Variants in DST observed in about 807,000 individuals in gnomAD.
DST encodes the protein dystonin.
In DST, 253 loss-of-function variants were observed where a neutral mutation model predicts 875.2. That is an observed-to-expected ratio of 0.29 (90% CI 0.26 to 0.32). DST has a LOEUF of 0.32. DST is among the 10% of genes least tolerant of loss of function. The pLI is 1.00. For synonymous variants in DST, 3,124 were observed against 3,197.1 expected, an observed-to-expected ratio of 0.98 and a Z score of 0.77; for missense variants, 8,287 against 9,111.6, an observed-to-expected ratio of 0.91 and a Z score of 3.68.
At chr6:56,765,478 T>C (rs2099631164) in intron 4 of DST, among the ~76,000 whole-genome samples, 1 of 152,170 alleles carries the variant, frequency 6.6e-6, no homozygotes. Context: ...CAATCAACCA[T>C]AGTAGAAATA....
intron 58 of DST, among the ~76,000 whole-genome samples, chr6:56,558,470 T>C (rs892232837): frequency 6.6e-6 from 1 of 152,076 alleles, no homozygotes; most frequent in Non-Finnish European, 1.5e-5. Context: ...GTATCTGAAA[T>C]TCTGCATTTC....
intron 4 of DST, among the ~76,000 whole-genome samples, chr6:56,788,007 C>T (rs1224694723): frequency 6.6e-6 from 1 of 150,644 alleles, no homozygotes; most frequent in African/African-American, 2.4e-5. Flanking sequence ...GTAATCCCAG[C>T]AATCCTAGCT....
Position 56,607,404 on chromosome 6 carries a change from ACT to A in DST, c.7222_7223del (p.Ser2408Ter). On this transcript the variant is annotated frameshift_variant, in exon 40 of 104. Coordinates refer to ENST00000680361, the MANE Select transcript of DST (RefSeq NM_001374736.1). LOFTEE classifies it high-confidence loss of function. ...IENPIMKSKM[S>X]KFCGVNETEN... is the part of the protein sequence containing the mutation. ...CTGTTTCATTCACACCACAGAATTT[ACT>A]CATTTTTGATTTCATAATAGGATTT... 6.2e-7 allele frequency: 1 copy of A among 1,612,226 alleles called. No homozygotes were observed. The highest frequency in any genetic ancestry group is 8.5e-7 in the Non-Finnish European group (1 of 1,179,314).
At chr6:56,508,015 T>G (rs562071630) in intron 75 of DST, among the ~76,000 whole-genome samples, 9 of 151,802 alleles carry the variant, frequency 5.9e-5, no homozygotes, top group Non-Finnish European at 8.8e-5. Context: ...AAAGAGAAAT[T>G]TTTTGTTGTT....
chr6:56,566,081 T>A (rs6920543), intron 55 of DST, among the ~76,000 whole-genome samples: 1 of 151,958 alleles, frequency 6.6e-6, no homozygotes, highest in African/African-American at 2.4e-5. Context: ...GACTGCAGAC[T>A]GCTGTGCTGG....
chr6:56,549,997 T>C (rs1189699698), intron 61 of DST, among the ~76,000 whole-genome samples: 2 of 152,182 alleles, frequency 1.3e-5, no homozygotes, highest in Non-Finnish European at 2.9e-5. Flanking sequence ...AGAATAGTAA[T>C]AGCATCTACC....
At chr6:56,574,440 C>T (rs1292152046) in intron 50 of DST, among the ~76,000 whole-genome samples, 1 of 152,122 alleles carries the variant, frequency 6.6e-6, no homozygotes, top group East Asian at 1.9e-4. Flanking sequence ...AAGCAAATCA[C>T]TCAAATGCAC....
intron 64 of DST, among the ~76,000 whole-genome samples, chr6:56,532,104 A>T (rs1332358744): frequency 1.3e-5 from 2 of 152,194 alleles, no homozygotes; most frequent in East Asian, 3.9e-4. Flanking sequence ...TATGTAATAA[A>T]CAAATGAAGT....
chr6:56,897,233 C>A (rs1791783740), intron 3 of DST, among the ~76,000 whole-genome samples: 2 of 147,956 alleles, frequency 1.4e-5, no homozygotes, highest in African/African-American at 5.1e-5. Context: ...CCCTTATTAT[C>A]ACTTTATAAT....
intron 9 of DST, among the ~76,000 whole-genome samples, chr6:56,676,398 T>C (rs1045076094): frequency 1.3e-5 from 2 of 152,162 alleles, no homozygotes; most frequent in African/African-American, 2.4e-5. Context: ...ATGTGGAGAA[T>C]AGGGAACTTT....
intron 4 of DST, among the ~76,000 whole-genome samples, chr6:56,798,040 G>A (rs1053305818): frequency 3.9e-5 from 6 of 152,082 alleles, no homozygotes; most frequent in African/African-American, 1.4e-4. Flanking sequence ...TAAGATTTAA[G>A]GAAAGAAACC....
chr6:56,864,658 A>G (rs1773061016), intron 3 of DST, among the ~76,000 whole-genome samples: 2 of 152,188 alleles, frequency 1.3e-5, no homozygotes, highest in Admixed American at 6.5e-5. Context: ...ACTAGATATT[A>G]GTATTAAAAT....
chr6:56,595,484 G>A (rs2098358520), intron 47 of DST, among the ~76,000 whole-genome samples: 1 of 152,142 alleles, frequency 6.6e-6, no homozygotes, highest in Non-Finnish European at 1.5e-5. Flanking sequence ...GGGGGGCACA[G>A]GGAATTTATT....
chr6:56,746,831 T>C (rs367748528), intron 4 of DST, among the ~76,000 whole-genome samples: 6 of 152,246 alleles, frequency 3.9e-5, no homozygotes, highest in African/African-American at 1.4e-4. Context: ...ATGGAAGATA[T>C]AGAAAAAAAT....
chr6:56,697,654 G>A (rs4074101), intron 9 of DST, among the ~76,000 whole-genome samples: 22,428 of 152,074 alleles, frequency 0.15, 2,135 homozygotes, highest in Non-Finnish European at 0.22. Context: ...ACCTCCCTCC[G>A]AAGCCTGAAT....
intron 3 of DST, among the ~76,000 whole-genome samples, chr6:56,892,057 C>T (rs1787822519): frequency 6.6e-6 from 1 of 152,180 alleles, no homozygotes; most frequent in Admixed American, 6.5e-5. Flanking sequence ...ACCTAACTGT[C>T]CTGCTCTCCT....
rs530244190 is a variant in DST at position 56,842,982 on chromosome 6, T to C, written c.625+8415A>G. On this transcript the variant is annotated intron_variant, in intron 4 of 103. Transcript: ENST00000680361. ...ACTCGTGCCCAAGGAGTGGTGGCTCTGATTAAGGAAAGGCAGCGGTTGCCT... is the reference window on the plus strand; with the variant it reads ...ACTCGTGCCCAAGGAGTGGTGGCTCCGATTAAGGAAAGGCAGCGGTTGCCT... The C allele has an allele frequency of 1.9e-5, 24 of 1,294,974 alleles. No individual in the cohort carries two copies. The South Asian group carries it at 5.8e-4, about 31-fold the overall frequency. 80.2% of individuals were successfully genotyped at this position (1,294,974 alleles called of 1,614,324 possible). A position where few individuals can be genotyped will look rare whatever the true frequency, so the allele number is the denominator to read the frequency against.
At chr6:56,836,808 G>A (rs1263926766) in intron 4 of DST, among the ~76,000 whole-genome samples, 3 of 142,062 alleles carry the variant, frequency 2.1e-5, no homozygotes, top group Non-Finnish European at 4.5e-5. Context: ...CCAAGATTGC[G>A]CCACTGCACT....
At position 56,463,614 on chromosome 6, in the gene DST, T is replaced by A; in HGVS notation, c.22910A>T (p.Gln7637Leu). 1.2e-6 allele frequency: 2 copies of A among 1,611,566 alleles called. No individual in the cohort carries two copies. Among genetic ancestry groups the A allele is most frequent in the South Asian group, 2.2e-5 (2 of 90,918 alleles). ...CTGTGGGGAGGCCGCCTGCGCAGCC[T>A]GACTGGACACAGAAGTGGATCTGTT... ...SPNRSTSVSSQAAQAASPQVP... is the reference protein window; with the variant it reads ...SPNRSTSVSSLAAQAASPQVP... Residue 7637 changes from glutamine to leucine, a missense_variant, in exon 101 of 104, where the codon CAG (glutamine) becomes CTG (leucine). Gln to Leu is a moderately radical substitution (Grantham distance 113). Around this residue, in one of 10 missense-constraint regions of DST, gnomAD observed 240 missense variants for 237.3 expected, o/e 1.01. Transcript: ENST00000680361.
Sources: allele counts gnomAD v4.1 joint callset (sites outside exome capture counted in the v4.1 genomes callset), GRCh38; gene constraint gnomAD v4.1.1; regional missense constraint gnomAD v4.1.1; transcripts MANE v1.5; gene names NCBI Gene and HGNC (gene_info 2026-07-23, HGNC 2026-07-21).